The following PRIM2 variants were observed in gnomAD, a reference collection of about 807,000 sequenced individuals.
PRIM2 encodes the protein DNA primase subunit 2.
Under a neutral mutation model 67.3 loss-of-function variants are expected in PRIM2, and 39 were observed. The ratio of observed to expected loss-of-function variants is 0.58; its 90% CI spans 0.45 to 0.76. The LOEUF (loss-of-function observed/expected upper bound fraction) is 0.76, where lower values mean the gene tolerates loss of function less well. PRIM2 is among the 30% of genes least tolerant of loss of function. The probability of loss-of-function intolerance (pLI) is 0.00; values close to 1 mark genes in which losing one functional copy is unlikely to be tolerated. For missense variants in PRIM2, 398 were observed against 598.7 expected (o/e 0.66, Z 3.50); for synonymous variants, 143 against 198.7 (o/e 0.72, Z 2.36).
At chr6:57,276,069 T>C in the PRIM2 span, among the ~76,000 whole-genome samples, 3 of 152,146 alleles carry the variant, frequency 2.0e-5, no homozygotes, top group African/African-American at 7.2e-5. Context: ...AGCAGTAGCA[T>C]GCTAGAATAT....
chr6:57,276,083 A>G, the PRIM2 span, among the ~76,000 whole-genome samples: 1 of 152,186 alleles, frequency 6.6e-6, no homozygotes, highest in Admixed American at 6.5e-5. Flanking sequence ...AGAATATTAT[A>G]TAACTAATAA....
upstream of PRIM2, among the ~76,000 whole-genome samples, chr6:57,315,135 T>A (rs1392248503): frequency 2.0e-5 from 3 of 152,208 alleles, no homozygotes; most frequent in Non-Finnish European, 2.9e-5. Flanking sequence ...ACTTCGTCTT[T>A]TAATTGGGCA....
chr6:57,326,984 A>G (rs931405124), intron 5 of PRIM2, among the ~76,000 whole-genome samples: 1 of 147,334 alleles, frequency 6.8e-6, no homozygotes, highest in African/African-American at 2.5e-5. Flanking sequence ...GCTCACTGCA[A>G]CCTCCACCTT....
chr6:57,236,928 C>T, the PRIM2 span, among the ~76,000 whole-genome samples: 1 of 151,862 alleles, frequency 6.6e-6, no homozygotes, highest in African/African-American at 2.4e-5. Flanking sequence ...TGGGTAAATA[C>T]CAGTAATGGG....
chr6:57,267,679 C>T, the PRIM2 span, among the ~76,000 whole-genome samples: 12 of 151,340 alleles, frequency 7.9e-5, no homozygotes, highest in East Asian at 2.0e-4. Flanking sequence ...GAGGCGGAGG[C>T]GGGAGGATCA....
chr6:57,343,018 C>G (rs1768542883), intron 5 of PRIM2, among the ~76,000 whole-genome samples: 1 of 152,064 alleles, frequency 6.6e-6, no homozygotes, highest in African/African-American at 2.4e-5. Flanking sequence ...TTTAATTTGT[C>G]ATTTGTTATT....
At chr6:57,621,943 G>GT (rs1296296450) in intron 12 of PRIM2, among the ~76,000 whole-genome samples, 23 of 149,174 alleles carry the variant, frequency 1.5e-4, no homozygotes, top group South Asian at 8.5e-4. Flanking sequence ...TTGGTTGACA[G>GT]TTTTTTTTTT....
the PRIM2 span, among the ~76,000 whole-genome samples, chr6:57,241,474 C>A: frequency 6.7e-6 from 1 of 149,352 alleles, no homozygotes. Flanking sequence ...ATGTGTAAAA[C>A]TGAAAACTTT....
chr6:57,430,700 A>G (rs1771797668), intron 7 of PRIM2, among the ~76,000 whole-genome samples: 1 of 152,064 alleles, frequency 6.6e-6, no homozygotes, highest in East Asian at 1.9e-4. Flanking sequence ...ACCTCAGGTA[A>G]TCTGCCCACC....
chr6:57,371,188 A>G (rs1394179345), intron 5 of PRIM2, among the ~76,000 whole-genome samples: 1 of 149,392 alleles, frequency 6.7e-6, no homozygotes, highest in African/African-American at 2.5e-5. Context: ...CTATTTGGAG[A>G]AGTAAAGTCT....
At chr6:57,516,275 A>G (rs1358655720) in intron 8 of PRIM2, among the ~76,000 whole-genome samples, 1 of 152,240 alleles carries the variant, frequency 6.6e-6, no homozygotes, top group African/African-American at 2.4e-5. Flanking sequence ...CAGAGGATCC[A>G]GGAATTAGAG....
chr6:57,616,913 G>A (rs1776766479), intron 12 of PRIM2, among the ~76,000 whole-genome samples: 1 of 152,170 alleles, frequency 6.6e-6, no homozygotes, highest in Admixed American at 6.5e-5. Flanking sequence ...ACTTCATATA[G>A]CATGTTTACA....
At chr6:57,533,052 A>G (rs1197943837) in intron 9 of PRIM2, among the ~76,000 whole-genome samples, 2 of 151,982 alleles carry the variant, frequency 1.3e-5, no homozygotes, top group African/African-American at 4.8e-5. Flanking sequence ...GGCCTCCTTT[A>G]ATCTTAATGA....
the PRIM2 span, among the ~76,000 whole-genome samples, chr6:57,269,809 A>T: frequency 6.6e-6 from 1 of 152,118 alleles, no homozygotes; most frequent in Non-Finnish European, 1.5e-5. Context: ...ATTTTTGTAT[A>T]AGATGTAAGG....
intron 5 of PRIM2, among the ~76,000 whole-genome samples, chr6:57,361,311 C>G (rs964959468): frequency 6.6e-6 from 1 of 152,098 alleles, no homozygotes; most frequent in African/African-American, 2.4e-5. Flanking sequence ...GTGGCCTCTT[C>G]CTATATTTGA....
chr6:57,455,661 A>G (rs1229824398), intron 7 of PRIM2, among the ~76,000 whole-genome samples: 1 of 151,798 alleles, frequency 6.6e-6, no homozygotes, highest in Admixed American at 6.6e-5. Context: ...CCATCCCTTT[A>G]TTTTGAGCCT....
At chr6:57,222,632 A>ACC in the PRIM2 span, among the ~76,000 whole-genome samples, 2 of 152,260 alleles carry the variant, frequency 1.3e-5, no homozygotes, top group Non-Finnish European at 2.9e-5. Context: ...AATGTCGAGC[A>ACC]AAGTCGAAAA....
chr6:57,640,523 A>G (rs1458667434), intron 13 of PRIM2, among the ~76,000 whole-genome samples: 25 of 152,360 alleles, frequency 1.6e-4, no homozygotes, highest in Non-Finnish European at 1.5e-5. Context: ...CAAGCTGATC[A>G]GCAACTTCAG....
At chr6:57,521,020 AAAAT>A (rs1581967330) in intron 8 of PRIM2, among the ~76,000 whole-genome samples, 1 of 152,228 alleles carries the variant, frequency 6.6e-6, no homozygotes, top group African/African-American at 2.4e-5. Flanking sequence ...GACTTTTTAA[AAAAT>A]AAAGTTGAAT....
Sources: gnomAD v4.1 joint callset for allele counts (sites outside exome capture counted in the v4.1 genomes callset) on GRCh38, gnomAD v4.1.1 for gene constraint, MANE v1.5 for transcripts, NCBI Gene and HGNC (gene_info 2026-07-23, HGNC 2026-07-21) for gene names.